ANK3: variants seen among roughly 807,000 people sequenced by gnomAD.
ANK3 encodes the protein ankyrin 3.
Under a neutral mutation model 370.9 loss-of-function variants are expected in ANK3, and 57 were observed. The observed-to-expected ratio is 0.15, with a 90% CI of 0.12 to 0.19. The LOEUF (loss-of-function observed/expected upper bound fraction) is 0.19. ANK3 is among the 10% of genes least tolerant of loss of function. The pLI, the probability that ANK3 is intolerant of heterozygous loss-of-function variation, is 1.00. For missense variants in ANK3, 4,439 were observed against 5,302.1 expected, an observed-to-expected ratio of 0.84 and a Z score of 5.06; for synonymous variants, 1,929 against 1,946.3, an observed-to-expected ratio of 0.99 and a Z score of 0.23.
At chr10:60,152,092 A>G (rs1251414564) in intron 23 of ANK3, among the ~76,000 whole-genome samples, 1 of 152,236 alleles carries the variant, frequency 6.6e-6, no homozygotes, top group African/African-American at 2.4e-5. Context: ...GTGTGGAATT[A>G]AGCCAGTAGA....
intron 1 of ANK3, among the ~76,000 whole-genome samples, chr10:60,385,351 C>T (rs2062106713): frequency 6.6e-6 from 1 of 151,938 alleles, no homozygotes. Flanking sequence ...AGATTCTCCT[C>T]TGAGTGCATC....
chr10:60,731,982 T>C (rs2080028874), intron 1 of ANK3, among the ~76,000 whole-genome samples: 1 of 152,172 alleles, frequency 6.6e-6, no homozygotes, highest in African/African-American at 2.4e-5. Context: ...TTTGAAGACT[T>C]CTCATTGATT....
chr10:60,596,726 T>G lies in ANK3; in HGVS notation c.96+18460A>C, dbSNP rs530159466. On this transcript the variant is annotated intron_variant, in intron 2 of 43. Coordinates refer to the ANK3 transcript ENST00000373827. ...AGACTACTTAAATCAAAAAATGAAT[T>G]CATATCAGGGAATCCACTGAATATA... 2.0e-4 allele frequency among the ~76,000 whole-genome samples: 31 copies of G among 152,302 alleles called. No individual in the cohort carries two copies. In the South Asian group the frequency reaches 5.2e-3, roughly 25 times the overall value.
chr10:60,316,879 C>G (rs926513500), intron 1 of ANK3, among the ~76,000 whole-genome samples: 1 of 152,048 alleles, frequency 6.6e-6, no homozygotes, highest in Non-Finnish European at 1.5e-5. Flanking sequence ...TCCCGAGTAG[C>G]TGGACTACAG....
At chr10:60,202,819 G>A (rs948873812) in intron 12 of ANK3, among the ~76,000 whole-genome samples, 183 bp downstream of exon 12, 2 of 152,056 alleles carry the variant, frequency 1.3e-5, no homozygotes, top group Non-Finnish European at 2.9e-5. Context: ...GAGATGGGAG[G>A]AGCACTTGAG....
chr10:60,072,089 C>G lies in ANK3; in HGVS notation c.8792G>C (p.Arg2931Thr), dbSNP rs1336322584. The G allele has an allele frequency of 6.2e-7, 1 of 1,613,962 alleles. No individual in the cohort carries two copies. The highest frequency in any genetic ancestry group is 8.5e-7 in the Non-Finnish European group (1 of 1,179,984). ...VKSPSKKVLYREYVVKEGDHP... is the reference protein window; with the variant it reads ...VKSPSKKVLYTEYVVKEGDHP... ...GTCCCCTTCTTTCACAACATATTCC[C>G]TATATAAGACTTTTTTGGAGGGAGA... The change falls in exon 37 of 44, where the codon AGG becomes ACG. Residue 2931 changes from arginine (R) to threonine (T), a missense_variant. Transcript: ENST00000280772.
intron 2 of ANK3, among the ~76,000 whole-genome samples, chr10:60,424,982 G>A (rs1465677980): frequency 6.6e-6 from 1 of 151,978 alleles, no homozygotes; most frequent in African/African-American, 2.4e-5. Flanking sequence ...AAATGAGTAC[G>A]GTTCAGGGCA....
chr10:60,613,534 G>A (rs2078228029), intron 2 of ANK3, among the ~76,000 whole-genome samples: 1 of 152,154 alleles, frequency 6.6e-6, no homozygotes, highest in Non-Finnish European at 1.5e-5. Context: ...CATATCATAT[G>A]GCTAAGATAA....
At chr10:60,451,611 T>G (rs940190668) in intron 2 of ANK3, among the ~76,000 whole-genome samples, 2 of 152,220 alleles carry the variant, frequency 1.3e-5, no homozygotes, top group Non-Finnish European at 2.9e-5. Flanking sequence ...GACTTTTTTG[T>G]CTTTTCCTTA....
At chr10:60,080,349 C>A in intron 36 of ANK3, 188 bp downstream of exon 36, 1 of 559,692 alleles carries the variant, frequency 1.8e-6, no homozygotes, top group South Asian at 2.5e-5. Flanking sequence ...GAAGTATGAG[C>A]TAGGGGCGTT....
chr10:60,181,154 C>G (rs2096170412), intron 18 of ANK3, among the ~76,000 whole-genome samples, 175 bp downstream of exon 18: 1 of 152,100 alleles, frequency 6.6e-6, no homozygotes, highest in Admixed American at 6.5e-5. Context: ...GACAAAAGTC[C>G]CTGGAATACG....
rs536883174 is a variant in ANK3 at position 60,104,289 on chromosome 10, C to T, written c.3328+1616G>A. 9.0e-4 allele frequency among the ~76,000 whole-genome samples: 123 copies of T among 137,178 alleles called. 1 individual carries two copies. Among genetic ancestry groups the T allele is most frequent in the African/African-American group, 3.1e-3 (120 of 38,154 alleles). 90.0% of individuals were successfully genotyped at this position (137,178 alleles called of 152,430 possible). On this transcript the variant is annotated intron_variant, in intron 28 of 43. Coordinates refer to ENST00000280772, the MANE Select transcript of ANK3 (RefSeq NM_020987.5). ...AGGAGAATTGCTTGAACCCAGGAGG[C>T]GGACGTTGCAGTGAGCTGAGATTGT...
chr10:60,050,961 AG>A (rs2077863728), intron 42 of ANK3, among the ~76,000 whole-genome samples: 1 of 151,014 alleles, frequency 6.6e-6, no homozygotes, highest in Non-Finnish European at 1.5e-5. Flanking sequence ...TATCCATGCC[AG>A]GTTATAACCT....
chr10:60,599,230 C>T (rs554584619), intron 2 of ANK3, among the ~76,000 whole-genome samples: 2 of 152,240 alleles, frequency 1.3e-5, no homozygotes, highest in East Asian at 1.9e-4. Context: ...TGAGCCCAGC[C>T]TGTGTTTGGT....
In ANK3 at chr10:60,033,290, G is replaced by A. The variant is rs185550079; in HGVS notation, c.*20-3464C>T. 1.3e-4 allele frequency among the ~76,000 whole-genome samples: 19 copies of A among 151,956 alleles called. 1 individual carries two copies. In the East Asian group the frequency reaches 2.7e-3, roughly 22 times the overall value. On this transcript the variant is annotated intron_variant, in intron 43 of 43. Coordinates refer to ENST00000280772, the MANE Select transcript of ANK3 (RefSeq NM_020987.5). Reference sequence around the variant, plus strand: ...CAAGCCGGGGGCAGGGGAGGGGGGCGGATCACCTGAGATCAGGAGTTCAAG... The same window carrying A: ...CAAGCCGGGGGCAGGGGAGGGGGGCAGATCACCTGAGATCAGGAGTTCAAG...
At chr10:60,678,430 C>T (rs935755036) in intron 1 of ANK3, among the ~76,000 whole-genome samples, 10 of 151,782 alleles carry the variant, frequency 6.6e-5, no homozygotes, top group South Asian at 2.1e-4. Context: ...TTTTAAGAAC[C>T]GCAAAAGCCA....
intron 43 of ANK3, among the ~76,000 whole-genome samples, chr10:60,033,257 T>C (rs1197968913): frequency 6.6e-6 from 1 of 151,330 alleles, no homozygotes; most frequent in Non-Finnish European, 1.5e-5. Flanking sequence ...CCCAGCACTT[T>C]GGGAGGCCAA....
rs115704374 is a variant in ANK3, at chr10:60,300,930, C to T, written c.115-21291G>A. ...ACATGTATACCTACAGTTATATACA[C>T]ACTCACACAGACACACATGCACACT... On this transcript the variant is annotated intron_variant, in intron 1 of 43. Transcript: ENST00000280772. Among the ~76,000 whole-genome samples, 875 of 152,054 alleles carry T rather than the reference C, an allele frequency of 5.8e-3. 7 individuals carry two copies. The highest frequency in any genetic ancestry group is 0.02 in the African/African-American group (840 of 41,484).
chr10:60,218,097 C>CTTTTTT (rs199989242), intron 8 of ANK3, among the ~76,000 whole-genome samples: 18 of 126,138 alleles, frequency 1.4e-4, no homozygotes, highest in African/African-American at 3.8e-4. Context: ...CTTTTTCTTT[C>CTTTTTT]TTTTTTTTTT....
Sources: allele counts gnomAD v4.1 joint callset (sites outside exome capture counted in the v4.1 genomes callset), GRCh38; gene constraint gnomAD v4.1.1; transcripts MANE v1.5; gene names NCBI Gene and HGNC (gene_info 2026-07-23, HGNC 2026-07-21).